SIK3: variants seen among roughly 807,000 people sequenced by gnomAD.
SIK3 encodes the protein serine/threonine-protein kinase SIK3.
Under a neutral mutation model 144.2 loss-of-function variants are expected in SIK3, and 28 were observed. The observed-to-expected ratio is 0.19, with a 90% CI of 0.14 to 0.27. The LOEUF is 0.27. Ranked by LOEUF, SIK3 falls within the 10% of genes least tolerant of loss-of-function variation. The probability of loss-of-function intolerance (pLI) is 1.00; values close to 1 mark genes in which losing one functional copy is unlikely to be tolerated. For synonymous variants in SIK3, 686 were observed against 676.3 expected (o/e 1.01, Z -0.22); for missense variants, 1,319 against 1,776.0 (o/e 0.74, Z 4.62).
chr11:116,966,092 T>G (rs1417328312), intron 1 of SIK3, among the ~76,000 whole-genome samples: 3 of 152,106 alleles, frequency 2.0e-5, no homozygotes, highest in African/African-American at 7.2e-5. Flanking sequence ...AAGGCAGTTC[T>G]AATAGTTCAA....
chr11:117,013,086 T>G (rs1288116026), intron 1 of SIK3, among the ~76,000 whole-genome samples: 1 of 152,120 alleles, frequency 6.6e-6, no homozygotes, highest in African/African-American at 2.4e-5. Context: ...ATTAGAATAG[T>G]AGGTACCCAA....
chr11:116,846,381 ACT>A lies in SIK3; in HGVS notation c.*13_*13+1del, dbSNP rs758265438. ...TTTGGCTCTGGCCAGGGTGACACTC[ACT>A]CTCTGTTTCTTGTTACACGCCTGCC... On this transcript the variant is annotated splice_donor_variant and 3_prime_UTR_variant, in exon 24 of 25. Coordinates refer to ENST00000445177, the MANE Select transcript of SIK3 (RefSeq NM_001366686.3). LOFTEE classifies it low-confidence loss of function (3UTR_SPLICE). This position sits in a 1 kb window ranked among gnomAD's most constrained non-coding sequence, Gnocchi z 4.1. 3.7e-6 allele frequency: 6 copies of A among 1,613,082 alleles called. No individual in the cohort carries two copies. In the African/African-American group the frequency reaches 8.0e-5, roughly 22 times the overall value.
intron 1 of SIK3, among the ~76,000 whole-genome samples, chr11:117,092,655 A>G (rs561497383): frequency 6.6e-6 from 1 of 152,324 alleles, no homozygotes; most frequent in African/African-American, 2.4e-5. Flanking sequence ...ATTTTCATTC[A>G]ATAAATGTGT....
At chr11:117,007,835 AC>A (rs1179165630) in intron 1 of SIK3, among the ~76,000 whole-genome samples, 1 of 152,012 alleles carries the variant, frequency 6.6e-6, no homozygotes, top group African/African-American at 2.4e-5. Flanking sequence ...TGTAATCCCA[AC>A]ACTTTGGGAG....
chr11:117,090,728 C>T (rs1955206610), intron 1 of SIK3, among the ~76,000 whole-genome samples: 1 of 152,132 alleles, frequency 6.6e-6, no homozygotes, highest in Non-Finnish European at 1.5e-5. Flanking sequence ...CTCAGTCATG[C>T]CAAGGGGCAT....
intron 4 of SIK3, among the ~76,000 whole-genome samples, chr11:116,907,489 A>G (rs905857310): frequency 2.6e-5 from 4 of 152,198 alleles, no homozygotes; most frequent in African/African-American, 7.2e-5. Context: ...TCTACTAAAA[A>G]TAAAAAATTA....
intron 1 of SIK3, among the ~76,000 whole-genome samples, chr11:117,071,199 A>AT (rs57402529): frequency 0.27 from 40,265 of 151,316 alleles, 7,070 homozygotes; most frequent in African/African-American, 0.51. Context: ...AAAAAAAAAA[A>AT]AATAACATGA....
At chr11:116,970,685 C>G (rs143868556) in intron 1 of SIK3, among the ~76,000 whole-genome samples, 15 of 152,060 alleles carry the variant, frequency 9.9e-5, no homozygotes, top group African/African-American at 3.6e-4. Context: ...GAGTCTTGCT[C>G]CGTTGACCAC....
rs1944231406 is a variant in SIK3 at position 116,875,969 on chromosome 11, T to C, written c.1136A>G (p.Tyr379Cys). 6.2e-7 allele frequency: 1 copy of C among 1,613,706 alleles called. No homozygotes were observed. The highest frequency in any genetic ancestry group is 1.7e-5 in the Admixed American group (1 of 59,820). The change falls in exon 9 of 25, where the codon TAC becomes TGC. Residue 379 changes from tyrosine to cysteine, a missense_variant. Coordinates refer to ENST00000445177, the MANE Select transcript of SIK3 (RefSeq NM_001366686.3). ...SDAYDHYSAI[Y>C]SLLCDRHKRH... ...CTTATGTCGATCACACAGCAGGCTG[T>C]AGATTGCACTATAGTGATCATAGGC...
chr11:116,958,283 T>TATTC (rs1273372003), intron 1 of SIK3, among the ~76,000 whole-genome samples: 2 of 152,246 alleles, frequency 1.3e-5, no homozygotes, highest in Non-Finnish European at 2.9e-5. Context: ...CGTGGCAGAT[T>TATTC]ATTCAGATGT....
At chr11:116,929,756 T>TTA (rs1947495470) in intron 3 of SIK3, among the ~76,000 whole-genome samples, 1 of 152,356 alleles carries the variant, frequency 6.6e-6, no homozygotes, top group South Asian at 2.1e-4. Context: ...GTATCATACG[T>TTA]TAAAACTTTC....
In SIK3 at chr11:116,978,510, C is replaced by T. The variant is rs183147395; in HGVS notation, c.274-21446G>A. Among the ~76,000 whole-genome samples the T allele has an allele frequency of 4.0e-5, 6 of 151,748 alleles. No homozygotes were observed. The South Asian group carries it at 8.3e-4, about 21-fold the overall frequency. On this transcript the variant is annotated intron_variant, in intron 1 of 24. Transcript: ENST00000445177. Reference sequence around the variant, plus strand: ...AACTTTATGCAAATAGAATCATACTCGTTTTTTTTTTGAGGCAGGGTCTCA... The same window carrying T: ...AACTTTATGCAAATAGAATCATACTTGTTTTTTTTTTGAGGCAGGGTCTCA...
At chr11:117,023,738 G>A (rs1046249752) in intron 1 of SIK3, among the ~76,000 whole-genome samples, 5 of 150,992 alleles carry the variant, frequency 3.3e-5, no homozygotes, top group Admixed American at 1.3e-4. Context: ...GTGCAGTGGC[G>A]CAATCTCACC....
chr11:116,956,732 C>G (rs1949152023), intron 2 of SIK3, among the ~76,000 whole-genome samples: 1 of 152,084 alleles, frequency 6.6e-6, no homozygotes, highest in Non-Finnish European at 1.5e-5. Context: ...ATTAAAAAGA[C>G]CTACCTGGGT....
intron 1 of SIK3, among the ~76,000 whole-genome samples, chr11:117,072,101 T>C (rs1037239982): frequency 4.0e-5 from 6 of 151,734 alleles, no homozygotes; most frequent in African/African-American, 1.5e-4. Context: ...AATGACTATA[T>C]CCACAGCCAG....
At chr11:116,922,335 T>C (rs1947030827) in intron 4 of SIK3, among the ~76,000 whole-genome samples, 1 of 151,974 alleles carries the variant, frequency 6.6e-6, no homozygotes, top group Non-Finnish European at 1.5e-5. Context: ...ACAAAAAATG[T>C]TTAAAATTAG....
At chr11:116,938,470 A>G (rs1267765922) in intron 3 of SIK3, among the ~76,000 whole-genome samples, 1 of 35,234 alleles carries the variant, frequency 2.8e-5, no homozygotes, top group Non-Finnish European at 5.9e-5. Context: ...GGAGGAGAGG[A>G]GAGGAGAGGA....
intron 1 of SIK3, among the ~76,000 whole-genome samples, chr11:117,030,728 T>G (rs1409370535): frequency 2.0e-5 from 3 of 152,196 alleles, no homozygotes; most frequent in Non-Finnish European, 4.4e-5. Context: ...TGGTGTGCAG[T>G]GGCAGGACTA....
At chr11:117,086,176 T>C (rs1314218924) in intron 1 of SIK3, among the ~76,000 whole-genome samples, 1 of 152,166 alleles carries the variant, frequency 6.6e-6, no homozygotes, top group Non-Finnish European at 1.5e-5. Flanking sequence ...CAATATCCTA[T>C]ATGGCCCAAT....
Sources: allele counts gnomAD v4.1 joint callset (sites outside exome capture counted in the v4.1 genomes callset), GRCh38; gene constraint gnomAD v4.1.1; non-coding constraint Gnocchi (gnomAD v3.1); transcripts MANE v1.5; gene names NCBI Gene and HGNC (gene_info 2026-07-23, HGNC 2026-07-21).